FGF12: variants seen among roughly 807,000 people sequenced by gnomAD.
FGF12 encodes fibroblast growth factor 12.
A neutral mutation model predicts 23.6 loss-of-function variants in FGF12; 14 were observed. The observed-to-expected ratio is 0.59, with a 90% CI of 0.39 to 0.93. FGF12 has a LOEUF of 0.93. FGF12 is among the 40% of genes least tolerant of loss of function. FGF12 has a pLI of 0.00. For synonymous variants in FGF12, 62 were observed against 77.3 expected, an observed-to-expected ratio of 0.80 and a Z score of 1.04; for missense variants, 175 against 217.8, an observed-to-expected ratio of 0.80 and a Z score of 1.24.
chr3:192,155,178 A>C (rs10937532), intron 5 of FGF12, among the ~76,000 whole-genome samples: 69,435 of 150,232 alleles, frequency 0.46, 16,038 homozygotes, highest in Middle Eastern at 0.55. Context: ...CGGCTCGCGC[A>C]CGGTGCGCGC....
In FGF12 at chr3:192,228,173, T is replaced by C. The variant is rs930566022; in HGVS notation, c.229-57517A>G. On this transcript the variant is annotated intron_variant, in intron 4 of 5. Transcript: ENST00000445105. The stretch of plus-strand genomic sequence containing the variant: ...TGTTCTCGCCAAAAAAAAAAGTATA[T>C]GGGTAGTTAATATACAAATCAGCTT... Among the ~76,000 whole-genome samples the C allele has an allele frequency of 6.2e-4, 94 of 152,000 alleles. 1 individual carries two copies. The highest frequency in any genetic ancestry group is 2.2e-3 in the African/African-American group (92 of 41,398).
At chr3:192,430,388 G>A (rs888077852) in intron 2 of FGF12, among the ~76,000 whole-genome samples, 6 of 152,246 alleles carry the variant, frequency 3.9e-5, no homozygotes, top group Admixed American at 1.3e-4. Context: ...ATAGCTGTTC[G>A]GTGGGTATAG....
chr3:192,228,538 T>C (rs1718855318), intron 4 of FGF12, among the ~76,000 whole-genome samples: 1 of 152,084 alleles, frequency 6.6e-6, no homozygotes, highest in Non-Finnish European at 1.5e-5. Context: ...TTGGACAGTA[T>C]ACACAGACAA....
At chr3:192,382,706 T>C (rs1719871560) in intron 2 of FGF12, among the ~76,000 whole-genome samples, 2 of 152,232 alleles carry the variant, frequency 1.3e-5, no homozygotes, top group Admixed American at 1.3e-4. Context: ...TTCATAATTA[T>C]ATAAGGTATA....
Position 192,371,749 on chromosome 3 carries a change from T to C in FGF12, c.14-11211A>G, listed in dbSNP as rs566040578. On this transcript the variant is annotated intron_variant, in intron 2 of 5. Transcript: ENST00000445105. Reference sequence around the variant, plus strand: ...AGGTACTATCATTGGGCTTTTTTTTTTACATCTATATTAGGGAACTGAGGC... The same window carrying C: ...AGGTACTATCATTGGGCTTTTTTTTCTACATCTATATTAGGGAACTGAGGC... Among the ~76,000 whole-genome samples, 93 of 151,954 alleles carry C rather than the reference T, an allele frequency of 6.1e-4. 1 individual carries two copies. In the Middle Eastern group the frequency reaches 0.01, roughly 17 times the overall value.
chr3:192,498,117 C>T (rs1368208970), intron 2 of FGF12, among the ~76,000 whole-genome samples: 1 of 152,130 alleles, frequency 6.6e-6, no homozygotes, highest in Admixed American at 6.6e-5. Flanking sequence ...CAAGTGTATG[C>T]CTATTTATTT....
At chr3:192,445,503 C>A (rs1722326681) in intron 2 of FGF12, among the ~76,000 whole-genome samples, 1 of 152,168 alleles carries the variant, frequency 6.6e-6, no homozygotes, top group Non-Finnish European at 1.5e-5. Context: ...CCAATTTATT[C>A]TAGAAAATTC....
chr3:192,439,717 C>T (rs1722138690), intron 2 of FGF12, among the ~76,000 whole-genome samples: 1 of 152,126 alleles, frequency 6.6e-6, no homozygotes, highest in Non-Finnish European at 1.5e-5. Context: ...TGGCTCACGC[C>T]TGTAATCCCA....
chr3:192,279,901 G>A lies in FGF12; in HGVS notation c.228+55460C>T, dbSNP rs182893068. Among the ~76,000 whole-genome samples, 27 of 152,294 alleles carry A rather than the reference G, an allele frequency of 1.8e-4. 1 individual carries two copies. The East Asian group carries it at 5.2e-3, about 29-fold the overall frequency. On this transcript the variant is annotated intron_variant, in intron 4 of 5. Coordinates refer to ENST00000445105, the MANE Select transcript of FGF12 (RefSeq NM_004113.6). Reference sequence around the variant, plus strand: ...AGCTCTAAAAGAATATGTGTGTGGTGGGTAGCTAATGCATATTAAATTATG... The same window carrying A: ...AGCTCTAAAAGAATATGTGTGTGGTAGGTAGCTAATGCATATTAAATTATG...
intron 4 of FGF12, among the ~76,000 whole-genome samples, chr3:192,297,903 C>T (rs374260441): frequency 2.7e-4 from 41 of 152,164 alleles, no homozygotes; most frequent in Non-Finnish European, 1.3e-4. Context: ...TGTACTCCAA[C>T]GTGTGTGCAG....
intron 4 of FGF12, among the ~76,000 whole-genome samples, chr3:192,329,574 A>T (rs192690076): frequency 3.9e-5 from 6 of 152,278 alleles, no homozygotes. Context: ...TTTACAGAGG[A>T]TGGTCGAGGG....
chr3:192,390,274 G>A (rs73070511), intron 2 of FGF12, among the ~76,000 whole-genome samples: 17,096 of 152,036 alleles, frequency 0.11, 1,165 homozygotes, highest in South Asian at 0.26. Flanking sequence ...CATCTTCTCC[G>A]GCCTGGCTCA....
At chr3:192,431,997 C>G (rs1307071451) in intron 2 of FGF12, among the ~76,000 whole-genome samples, 2 of 152,170 alleles carry the variant, frequency 1.3e-5, no homozygotes, top group African/African-American at 4.8e-5. Flanking sequence ...TTCCCACTGG[C>G]AGCCCTTTAT....
At chr3:192,726,682 T>C (rs1234833556) in intron 2 of FGF12, among the ~76,000 whole-genome samples, 1 of 152,138 alleles carries the variant, frequency 6.6e-6, no homozygotes, top group East Asian at 1.9e-4. Flanking sequence ...TCTGCTGATA[T>C]ATATTCAAAA....
chr3:192,397,562 C>A (rs1358450441), intron 2 of FGF12, among the ~76,000 whole-genome samples: 1 of 152,204 alleles, frequency 6.6e-6, no homozygotes, highest in Non-Finnish European at 1.5e-5. Context: ...TGACTCGCTC[C>A]TCAGTGAGAA....
intron 2 of FGF12, among the ~76,000 whole-genome samples, chr3:192,479,765 G>T (rs949193836): frequency 6.6e-6 from 1 of 152,074 alleles, no homozygotes; most frequent in African/African-American, 2.4e-5. Context: ...CACAATTTAA[G>T]TTGCATTTCC....
At position 192,336,480 on chromosome 3, in the gene FGF12, CCCACCCTGAAACAATTCACATTG is replaced by C. The variant is rs1226353618; in HGVS notation, c.125-1039_125-1017del. 2.0e-5 allele frequency among the ~76,000 whole-genome samples: 3 copies of C among 152,010 alleles called. No homozygotes were observed. The highest frequency in any genetic ancestry group is 2.9e-5 in the Non-Finnish European group (2 of 68,004). On this transcript the variant is annotated intron_variant, in intron 3 of 5. Coordinates refer to ENST00000445105, the MANE Select transcript of FGF12 (RefSeq NM_004113.6). This position sits in a 1 kb window ranked among gnomAD's most constrained non-coding sequence, Gnocchi z 4.3. The stretch of plus-strand genomic sequence containing the variant: ...ATGAGCATAAACAGAAAACACTGCC[CCCACCCTGAAACAATTCACATTG>C]CATATGGAAGAAAAGCAATCATATA...
At chr3:192,342,251 A>T (rs1306099723) in intron 3 of FGF12, among the ~76,000 whole-genome samples, 1 of 152,186 alleles carries the variant, frequency 6.6e-6, no homozygotes, top group African/African-American at 2.4e-5. Context: ...TTTCTCAGTC[A>T]TATTTTTATA....
intron 2 of FGF12, among the ~76,000 whole-genome samples, chr3:192,468,506 T>C (rs1020509067): frequency 6.6e-6 from 1 of 152,188 alleles, no homozygotes; most frequent in Non-Finnish European, 1.5e-5. Flanking sequence ...TCTCACAATT[T>C]AGGGTTGTCT....
Sources: allele counts gnomAD v4.1 joint callset (sites outside exome capture counted in the v4.1 genomes callset), GRCh38; gene constraint gnomAD v4.1.1; non-coding constraint Gnocchi (gnomAD v3.1); transcripts MANE v1.5; gene names NCBI Gene and HGNC (gene_info 2026-07-23, HGNC 2026-07-21).